The following ZCCHC14 variants were observed in gnomAD, a reference collection of about 807,000 sequenced individuals.
ZCCHC14 encodes zinc finger CCHC domain-containing protein 14.
In ZCCHC14, 16 loss-of-function variants were observed where a neutral mutation model predicts 85.0. The observed-to-expected ratio is 0.19, with a 90% confidence interval of 0.13 to 0.29. ZCCHC14 has a LOEUF of 0.29. ZCCHC14 is among the 10% of genes least tolerant of loss of function. The probability of loss-of-function intolerance (pLI) is 1.00; values close to 1 mark genes in which losing one functional copy is unlikely to be tolerated. For missense variants in ZCCHC14, 1,303 were observed against 1,443.5 expected (o/e 0.90, Z 1.58); for synonymous variants, 775 against 630.7 (o/e 1.23, Z -3.43).
chr16:87,480,313 G>A (rs1830032779), intron 1 of ZCCHC14, among the ~76,000 whole-genome samples: 2 of 152,098 alleles, frequency 1.3e-5, no homozygotes, highest in Admixed American at 6.5e-5. Context: ...TGAGGCAGGA[G>A]AATGGCGTGA....
chr16:87,465,454 A>G (rs575784650), intron 1 of ZCCHC14, among the ~76,000 whole-genome samples: 2 of 152,330 alleles, frequency 1.3e-5, no homozygotes, highest in Admixed American at 1.3e-4. Context: ...GGAATGAAAT[A>G]TGACTCTGAA....
rs1218986017 is a variant in ZCCHC14 at position 87,491,215 on chromosome 16, G to A, written c.570+454C>T. ...CGGACGTCTCCCGCACCGCTCCCGC[G>A]GATCCTCGGACCCAGGGCCCCTGCA... is the stretch of plus-strand genomic sequence containing the variant. On this transcript the variant is annotated intron_variant, in intron 1 of 12. Transcript: ENST00000671377. The surrounding 1 kb of genome is among the most constrained non-coding windows in gnomAD (Gnocchi z 5.9). Among the ~76,000 whole-genome samples, 2 of 152,246 alleles carry A rather than the reference G, an allele frequency of 1.3e-5. No homozygotes were observed. The highest frequency in any genetic ancestry group is 4.8e-5 in the African/African-American group (2 of 41,478).
intron 2 of ZCCHC14, among the ~76,000 whole-genome samples, chr16:87,451,857 G>C (rs148999545): frequency 2.2e-3 from 329 of 152,354 alleles, no homozygotes; most frequent in African/African-American, 7.2e-3. Context: ...AAATCCTGCA[G>C]GTCTGCTGCA....
rs567787023 is a variant in ZCCHC14 at position 87,409,397 on chromosome 16, G to C, written c.*883C>G. The C allele has an allele frequency of 1.3e-5, 2 of 152,148 alleles. No homozygotes were observed. Among genetic ancestry groups the C allele is most frequent in the African/African-American group, 4.8e-5 (2 of 41,412 alleles). The allele number at this position is 152,148 out of a possible 1,614,324, so 9.4% of individuals were successfully genotyped here. ...CAGCCACTCACAGAGCCGCGCTGTC[G>C]CCGTCCCCCCTCGAGAGGTCATTTG... On this transcript the variant is annotated 3_prime_UTR_variant, in exon 13 of 13. Coordinates refer to ENST00000671377, the MANE Select transcript of ZCCHC14 (RefSeq NM_015144.3).
At position 87,408,941 on chromosome 16, in the gene ZCCHC14, ATTAT is replaced by A. The variant is rs1239393053; in HGVS notation, c.*1335_*1338del. ...AGACTTTAGCATTTTCGATAAGAGTATTATTTGAGCAGAAAATTCCCTTTAACCT... is the reference window on the plus strand; with the variant it reads ...AGACTTTAGCATTTTCGATAAGAGTATTGAGCAGAAAATTCCCTTTAACCT... On this transcript the variant is annotated 3_prime_UTR_variant, in exon 13 of 13. Coordinates refer to ENST00000671377, the MANE Select transcript of ZCCHC14 (RefSeq NM_015144.3). The A allele has an allele frequency of 1.3e-5, 2 of 152,678 alleles. No homozygotes were observed. The highest frequency in any genetic ancestry group is 2.4e-5 in the African/African-American group (1 of 41,468). The allele number at this position is 152,678 out of a possible 1,614,324, so 9.5% of individuals were successfully genotyped here.
chr16:87,466,363 G>T (rs1025090977), intron 1 of ZCCHC14, among the ~76,000 whole-genome samples: 1 of 152,190 alleles, frequency 6.6e-6, no homozygotes, highest in Non-Finnish European at 1.5e-5. Context: ...CAACACTGAC[G>T]GCAGCCTCGG....
intron 10 of ZCCHC14, 50 bp from the exon 11 acceptor site, chr16:87,413,245 T>C (rs1273202058): frequency 2.7e-6 from 4 of 1,473,386 alleles, no homozygotes; most frequent in Admixed American, 2.4e-5. Context: ...CCCTGCAGGC[T>C]CAGCCCGCCC....
chr16:87,489,798 G>C (rs1359660930), intron 1 of ZCCHC14, among the ~76,000 whole-genome samples: 3 of 152,178 alleles, frequency 2.0e-5, no homozygotes, highest in Non-Finnish European at 2.9e-5. Flanking sequence ...TCTAGATTTA[G>C]CTCACTGCCC....
At chr16:87,422,646 G>T (rs1909162817) in intron 4 of ZCCHC14, among the ~76,000 whole-genome samples, 1 of 151,894 alleles carries the variant, frequency 6.6e-6, no homozygotes, top group Non-Finnish European at 1.5e-5. Context: ...TAAGGCAGGA[G>T]AATTGCTTGA....
At chr16:87,480,785 G>A (rs1320130151) in intron 1 of ZCCHC14, among the ~76,000 whole-genome samples, 5 of 152,190 alleles carry the variant, frequency 3.3e-5, no homozygotes, top group Non-Finnish European at 5.9e-5. Context: ...TCTAGGATAA[G>A]GATGCAACAA....
intron 1 of ZCCHC14, among the ~76,000 whole-genome samples, chr16:87,482,281 C>T (rs141052003): frequency 1.3e-5 from 2 of 152,218 alleles, no homozygotes; most frequent in East Asian, 3.9e-4. Context: ...GGCAAAACCA[C>T]AGCTGAAAAG....
At chr16:87,467,454 G>C in intron 1 of ZCCHC14, 1 of 1,606,490 alleles carries the variant, frequency 6.2e-7, no homozygotes, top group Admixed American at 1.7e-5. Context: ...TGCCATTTCT[G>C]TTCACGGTGT....
Position 87,412,796 on chromosome 16 carries a change from G to C in ZCCHC14, c.1925C>G (p.Thr642Arg), listed in dbSNP as rs765161791. The C allele has an allele frequency of 6.2e-7, 1 of 1,613,336 alleles. No individual in the cohort carries two copies. Among genetic ancestry groups the C allele is most frequent in the Non-Finnish European group, 8.5e-7 (1 of 1,179,534 alleles). Residue 642 changes from threonine to arginine, a missense_variant, in exon 12 of 13, where the codon ACA (threonine) becomes AGA (arginine). Physicochemically the swap from Thr to Arg is moderately conservative, Grantham distance 71. Coordinates refer to ENST00000671377, the MANE Select transcript of ZCCHC14 (RefSeq NM_015144.3). Reference protein sequence around the residue: ...PQMLSAASHITPIRMLNSVHK... With the variant: ...PQMLSAASHIRPIRMLNSVHK... ...CACGGAATTCAGCATGCGGATGGGTGTGATGTGTGAGGCTGCGCTCAGCAT... is the reference window on the plus strand; with the variant it reads ...CACGGAATTCAGCATGCGGATGGGTCTGATGTGTGAGGCTGCGCTCAGCAT...
At chr16:87,454,230 G>A (rs1410244867) in intron 2 of ZCCHC14, among the ~76,000 whole-genome samples, 2 of 152,154 alleles carry the variant, frequency 1.3e-5, no homozygotes, top group African/African-American at 4.8e-5. Flanking sequence ...GGAGGAGAAT[G>A]AGGAAGAAAG....
chr16:87,484,552 C>T (rs146047518), intron 1 of ZCCHC14, among the ~76,000 whole-genome samples: 2 of 152,300 alleles, frequency 1.3e-5, no homozygotes, highest in Non-Finnish European at 2.9e-5. Flanking sequence ...TGTATCTAAG[C>T]GTGTATATGG....
At chr16:87,489,387 A>G (rs1912650140) in intron 1 of ZCCHC14, among the ~76,000 whole-genome samples, 1 of 152,252 alleles carries the variant, frequency 6.6e-6, no homozygotes, top group South Asian at 2.1e-4. Context: ...TAGAACACAT[A>G]AACGCTCATA....
At chr16:87,434,370 A>G (rs1042437471) in intron 2 of ZCCHC14, among the ~76,000 whole-genome samples, 1 of 152,134 alleles carries the variant, frequency 6.6e-6, no homozygotes, top group Admixed American at 6.5e-5. Context: ...CAGCTTCCAC[A>G]CTTCCCAGGC....
chr16:87,436,282 C>T (rs558409545), intron 2 of ZCCHC14, among the ~76,000 whole-genome samples: 50 of 152,258 alleles, frequency 3.3e-4, no homozygotes, highest in Non-Finnish European at 1.9e-4. Context: ...CAAATGTTGG[C>T]GCATCCCTCT....
chr16:87,440,454 C>T lies in ZCCHC14; in HGVS notation c.695-7253G>A, dbSNP rs574810063. ...TGCTGGGATTACAGGCATGAGCCAC[C>T]GTGCCCAGCTGATTCTAAAGTTTTA... On this transcript the variant is annotated intron_variant, in intron 2 of 12. Transcript: ENST00000671377. Among the ~76,000 whole-genome samples the T allele has an allele frequency of 8.5e-5, 13 of 152,164 alleles. No homozygotes were observed. In the South Asian group the frequency reaches 2.5e-3, roughly 29 times the overall value.
Sources: gnomAD v4.1 joint callset for allele counts (sites outside exome capture counted in the v4.1 genomes callset) on GRCh38, gnomAD v4.1.1 for gene constraint, Gnocchi (gnomAD v3.1) non-coding constraint, MANE v1.5 for transcripts, NCBI Gene and HGNC (gene_info 2026-07-23, HGNC 2026-07-21) for gene names.